NIN: variants seen among roughly 807,000 people sequenced by gnomAD.
NIN encodes the protein glycogen synthase kinase 3 beta-interacting protein.
In NIN, 137 loss-of-function variants were observed where a neutral mutation model predicts 257.6. The ratio of observed to expected loss-of-function variants is 0.53; its 90% CI spans 0.46 to 0.61. The LOEUF is 0.61. Ranked by LOEUF, NIN falls within the 20% of genes least tolerant of loss-of-function variation. The pLI, the probability that NIN is intolerant of heterozygous loss-of-function variation, is 0.00. For synonymous variants in NIN, 918 were observed against 919.8 expected (o/e 1.00, Z 0.04); for missense variants, 2,439 against 2,501.2 (o/e 0.98, Z 0.53).
chr14:50,723,501 G>T lies in NIN; in HGVS notation c.6364C>A (p.Pro2122Thr), dbSNP rs747976003. 6.2e-6 allele frequency: 10 copies of T among 1,613,190 alleles called. No homozygotes were observed. In the Admixed American group the frequency reaches 1.0e-4, roughly 16 times the overall value. The change falls in exon 31 of 31, where the codon CCA (proline) becomes ACA (threonine). Residue 2122 changes from proline (P) to threonine (T), a missense_variant. Around this residue, in one of 3 missense-constraint regions of NIN, gnomAD observed 2,043 missense variants for 2,050.2 expected, o/e 1.00. Transcript: ENST00000530997. The part of the protein sequence containing the change: ...SLSNIVRNLT[P>T]APLTSTPPLR... The stretch of plus-strand genomic sequence containing the variant: ...GGAGGTGTAGAAGTCAATGGCGCTG[G>T]TGTCAGATTCCTAACTATATTACTG...
intron 5 of NIN, among the ~76,000 whole-genome samples, chr14:50,781,828 C>A (rs1275900397): frequency 6.6e-6 from 1 of 152,176 alleles, no homozygotes; most frequent in Non-Finnish European, 1.5e-5. Context: ...TTTTATTGGA[C>A]ATATGTTTAC....
chr14:50,780,336 G>A (rs909144762), intron 5 of NIN, among the ~76,000 whole-genome samples: 6 of 152,288 alleles, frequency 3.9e-5, no homozygotes, highest in Middle Eastern at 3.4e-3. Flanking sequence ...TAACCAGCAC[G>A]TTTTCTGGGT....
chr14:50,767,731 G>T (rs2042558184), intron 12 of NIN, among the ~76,000 whole-genome samples: 1 of 151,710 alleles, frequency 6.6e-6, no homozygotes, highest in African/African-American at 2.4e-5. Flanking sequence ...GCGGGAGAAT[G>T]GTGTGAACCC....
chr14:50,761,970 C>A, intron 15 of NIN, 59 bp from the exon 16 acceptor site: 1 of 1,579,814 alleles, frequency 6.3e-7, no homozygotes. Context: ...CACAGTGTGG[C>A]ATCTGAGGAG....
chr14:50,780,023 T>C (rs2043070861), intron 5 of NIN, among the ~76,000 whole-genome samples: 1 of 152,220 alleles, frequency 6.6e-6, no homozygotes, highest in African/African-American at 2.4e-5. Flanking sequence ...GTAATTTGTG[T>C]ACTGCATAAA....
chr14:50,814,060 G>A (rs1036005008), intron 3 of NIN, among the ~76,000 whole-genome samples: 3 of 151,986 alleles, frequency 2.0e-5, no homozygotes, highest in Non-Finnish European at 4.4e-5. Flanking sequence ...ATTGTAACTT[G>A]AATTGTTAAC....
At chr14:50,813,282 G>T (rs1040112808) in intron 3 of NIN, among the ~76,000 whole-genome samples, 8 of 152,180 alleles carry the variant, frequency 5.3e-5, no homozygotes, top group Admixed American at 2.0e-4. Context: ...GTCTCACAAG[G>T]TAACAAGTTT....
intron 4 of NIN, among the ~76,000 whole-genome samples, chr14:50,793,575 T>G (rs2043697449): frequency 6.6e-6 from 1 of 152,126 alleles, no homozygotes; most frequent in African/African-American, 2.4e-5. Context: ...AGCATCGGTG[T>G]TGTACAAAAT....
At chr14:50,743,920 G>C (rs1017362455) in intron 23 of NIN, among the ~76,000 whole-genome samples, 5 of 152,150 alleles carry the variant, frequency 3.3e-5, no homozygotes, top group African/African-American at 1.2e-4. Context: ...TAGAAAAAAA[G>C]TGTTTATCTA....
rs369577037 is a variant in NIN at position 50,757,033 on chromosome 14, C to T, written c.3997G>A (p.Glu1333Lys). 139 of 1,613,174 alleles carry T rather than the reference C, an allele frequency of 8.6e-5. No individual in the cohort carries two copies. Among genetic ancestry groups the T allele is most frequent in the Non-Finnish European group, 1.1e-4 (128 of 1,179,750 alleles). ...TGGACCACGCTTTCCTGAAGCTTCTCAATCTTGCCTTGAAGTCTCAAAACC... is the reference window on the plus strand; with the variant it reads ...TGGACCACGCTTTCCTGAAGCTTCTTAATCTTGCCTTGAAGTCTCAAAACC... ...VLVLRLQGKI[E>K]KLQESVVQRC... The change falls in exon 18 of 31, where the codon GAG (glutamate) becomes AAG (lysine). Residue 1333 changes from glutamate to lysine, a missense_variant. This residue lies in a region of NIN where 2,043 missense variants were observed against 2,050.2 expected (regional missense o/e 1.00). Transcript: ENST00000530997.
At chr14:50,775,332 C>T (rs554873557) in intron 7 of NIN, among the ~76,000 whole-genome samples, 1 of 152,202 alleles carries the variant, frequency 6.6e-6, no homozygotes, top group East Asian at 1.9e-4. Flanking sequence ...TTCTTGCTTT[C>T]GGAAAGGAGT....
At chr14:50,792,354 G>C (rs922639560) in intron 5 of NIN, 6 of 193,354 alleles carry the variant, frequency 3.1e-5, no homozygotes, top group Admixed American at 1.1e-4. Context: ...GGGCAAGGGA[G>C]GGGGAGGAGC....
intron 11 of NIN, 21 bp from the exon 12 acceptor site, chr14:50,770,583 C>A: frequency 8.1e-6 from 13 of 1,611,346 alleles, no homozygotes; most frequent in South Asian, 1.1e-5. Flanking sequence ...GAAAAATGGA[C>A]AAGCTGCCAT....
intron 2 of NIN, among the ~76,000 whole-genome samples, chr14:50,828,006 A>C (rs2045541565): frequency 6.6e-6 from 1 of 152,016 alleles, no homozygotes; most frequent in Non-Finnish European, 1.5e-5. Context: ...ACAACAACAA[A>C]AAAACGCCAT....
chr14:50,822,874 A>G (rs567396095), intron 2 of NIN, among the ~76,000 whole-genome samples: 2 of 152,330 alleles, frequency 1.3e-5, no homozygotes, highest in East Asian at 3.9e-4. Flanking sequence ...AGGGGAAGAC[A>G]CTATTTCAAC....
At chr14:50,827,276 C>G (rs751728989) in intron 2 of NIN, among the ~76,000 whole-genome samples, 1 of 152,108 alleles carries the variant, frequency 6.6e-6, no homozygotes, top group African/African-American at 2.4e-5. Context: ...AGAATACTTC[C>G]GCCAAAAACC....
intron 21 of NIN, among the ~76,000 whole-genome samples, chr14:50,749,924 C>T (rs994380294): frequency 1.9e-4 from 29 of 152,246 alleles, no homozygotes; most frequent in Admixed American, 1.8e-3. Context: ...AACTCCTGGG[C>T]TCAAGTGATC....
At chr14:50,754,988 T>C in intron 18 of NIN, 121 bp from the exon 19 acceptor site, 1 of 616,044 alleles carries the variant, frequency 1.6e-6, no homozygotes, top group Non-Finnish European at 2.8e-6. Context: ...AAAGTCTAAA[T>C]TAGTAGTCTC....
At chr14:50,786,159 G>A (rs565292887) in intron 5 of NIN, among the ~76,000 whole-genome samples, 3 of 152,218 alleles carry the variant, frequency 2.0e-5, no homozygotes, top group Admixed American at 1.3e-4. Flanking sequence ...CCAAGGCTGG[G>A]GACTAGTTTT....
Sources: gnomAD v4.1 joint callset for allele counts (sites outside exome capture counted in the v4.1 genomes callset) on GRCh38, gnomAD v4.1.1 for gene constraint, gnomAD v4.1.1 regional missense constraint, MANE v1.5 for transcripts, NCBI Gene and HGNC (gene_info 2026-07-23, HGNC 2026-07-21) for gene names.